The following PARD3B variants were observed in gnomAD, a reference collection of about 807,000 sequenced individuals.
The protein encoded by PARD3B is par-3 family cell polarity regulator beta, also known as partitioning defective 3 homolog B.
A neutral mutation model predicts 130.2 loss-of-function variants in PARD3B; 103 were observed. The ratio of observed to expected loss-of-function variants is 0.79; its 90% CI spans 0.67 to 0.93. The LOEUF is 0.93. Among genes scored for constraint, PARD3B ranks in the 40% least tolerant of loss-of-function variants. The pLI is 0.00. For missense variants in PARD3B, 1,609 were observed against 1,499.2 expected (o/e 1.07, Z -1.21); for synonymous variants, 583 against 553.2 (o/e 1.05, Z -0.76).
At chr2:205,612,855 C>T (rs962660753) in intron 22 of PARD3B, among the ~76,000 whole-genome samples, 1 of 152,186 alleles carries the variant, frequency 6.6e-6, no homozygotes, top group Non-Finnish European at 1.5e-5. Flanking sequence ...TATCTGCCCA[C>T]GGGAAGCCTC....
intron 16 of PARD3B, among the ~76,000 whole-genome samples, chr2:205,247,118 G>T (rs1322120474): frequency 6.6e-6 from 1 of 151,994 alleles, no homozygotes. Flanking sequence ...CTTAGTACTG[G>T]GATAGGCTTC....
chr2:204,752,641 A>G (rs2040509400), intron 2 of PARD3B, among the ~76,000 whole-genome samples: 1 of 151,990 alleles, frequency 6.6e-6, no homozygotes, highest in African/African-American at 2.4e-5. Flanking sequence ...CTACTACTTT[A>G]TTTTCTTCAG....
chr2:204,669,037 G>A lies in PARD3B; in HGVS notation c.121-17144G>A, dbSNP rs2036158153. Among the ~76,000 whole-genome samples, 1 of 152,144 alleles carries A rather than the reference G, an allele frequency of 6.6e-6. No homozygotes were observed. The highest frequency in any genetic ancestry group is 2.4e-5 in the African/African-American group (1 of 41,442). On this transcript the variant is annotated intron_variant, in intron 1 of 22. Transcript: ENST00000406610. This position sits in a 1 kb window ranked among gnomAD's most constrained non-coding sequence, Gnocchi z 4.3. ...ATCCTCCCTTGGAGCCTCCAGAAAG[G>A]AATTCAGGTCCACTCACATCTTGAT...
chr2:205,466,393 C>G (rs1306506669), intron 20 of PARD3B, among the ~76,000 whole-genome samples: 1 of 151,996 alleles, frequency 6.6e-6, no homozygotes, highest in Non-Finnish European at 1.5e-5. Context: ...TTTTTTGGGT[C>G]TTTTTTATAT....
intron 2 of PARD3B, among the ~76,000 whole-genome samples, chr2:204,936,935 A>T (rs963734321): frequency 6.6e-6 from 1 of 152,292 alleles, no homozygotes; most frequent in Admixed American, 6.5e-5. Context: ...TAAAATGTGT[A>T]TTATATACTT....
Position 205,440,500 on chromosome 2 carries a change from C to A in PARD3B, c.2872C>A (p.His958Asn), listed in dbSNP as rs745891733. The A allele has an allele frequency of 6.2e-7, 1 of 1,614,014 alleles. No homozygotes were observed. Among genetic ancestry groups the A allele is most frequent in the Non-Finnish European group, 8.5e-7 (1 of 1,179,986 alleles). ...GGACCCCAATTATGCCAGAGTGAACCACTTTCGGGAACCATGCACATCAGC... is the reference window on the plus strand; with the variant it reads ...GGACCCCAATTATGCCAGAGTGAACAACTTTCGGGAACCATGCACATCAGC... ...EMDPNYARVN[H>N]FREPCTSANV... The change falls in exon 20 of 23, where the codon CAC (histidine) becomes AAC (asparagine). Residue 958 changes from histidine (H) to asparagine (N), a missense_variant. His to Asn is a moderately conservative substitution (Grantham distance 68, BLOSUM62 1). Transcript: ENST00000406610. This position sits in a 1 kb window ranked among gnomAD's most constrained non-coding sequence, Gnocchi z 4.2.
intron 3 of PARD3B, among the ~76,000 whole-genome samples, chr2:205,022,834 T>C (rs369170030): frequency 1.3e-5 from 2 of 152,144 alleles, no homozygotes; most frequent in South Asian, 2.1e-4. Context: ...AGGCTGACAG[T>C]ATACACCAGA....
At chr2:205,151,184 A>G (rs1303381481) in intron 10 of PARD3B, among the ~76,000 whole-genome samples, 2 of 152,134 alleles carry the variant, frequency 1.3e-5, no homozygotes, top group East Asian at 1.9e-4. Flanking sequence ...ACTTCCAACT[A>G]TGTGGTCAAT....
At chr2:204,851,848 A>G (rs2044720377) in intron 2 of PARD3B, among the ~76,000 whole-genome samples, 1 of 151,164 alleles carries the variant, frequency 6.6e-6, no homozygotes, top group African/African-American at 2.4e-5. Flanking sequence ...ACCCACCACC[A>G]TGCCCGGTTA....
chr2:204,760,177 T>G (rs1240332193), intron 2 of PARD3B, among the ~76,000 whole-genome samples: 2 of 152,108 alleles, frequency 1.3e-5, no homozygotes, highest in Non-Finnish European at 2.9e-5. Flanking sequence ...CTAGAAATAA[T>G]GCTTGTATGA....
chr2:205,012,492 G>A (rs902787436), intron 3 of PARD3B, among the ~76,000 whole-genome samples: 1 of 152,114 alleles, frequency 6.6e-6, no homozygotes, highest in African/African-American at 2.4e-5. Context: ...TGCTTTCCAT[G>A]ACTCTTTTGA....
intron 1 of PARD3B, among the ~76,000 whole-genome samples, chr2:204,574,110 G>A (rs2125071650): frequency 6.6e-6 from 1 of 152,242 alleles, no homozygotes; most frequent in East Asian, 1.9e-4. Context: ...CTGCTACTTT[G>A]TTCTCAGAGG....
chr2:204,627,907 C>T (rs1488563750), intron 1 of PARD3B, among the ~76,000 whole-genome samples: 1 of 151,006 alleles, frequency 6.6e-6, no homozygotes, highest in Non-Finnish European at 1.5e-5. Context: ...GCTTGTCCAA[C>T]CTGCAGCCCC....
At chr2:204,620,821 A>G (rs1417705480) in intron 1 of PARD3B, among the ~76,000 whole-genome samples, 2 of 152,130 alleles carry the variant, frequency 1.3e-5, no homozygotes. Context: ...TGTTTTGATG[A>G]TCTGAGAGTG....
intron 2 of PARD3B, among the ~76,000 whole-genome samples, chr2:204,883,965 CTGACCTGG>C (rs2046177127): frequency 6.6e-6 from 1 of 151,860 alleles, no homozygotes; most frequent in African/African-American, 2.4e-5. Flanking sequence ...TCTTGAACTC[CTGACCTGG>C]TGATCCACCC....
intron 2 of PARD3B, among the ~76,000 whole-genome samples, chr2:204,715,695 G>T (rs755117957): frequency 6.6e-6 from 1 of 152,146 alleles, no homozygotes; most frequent in African/African-American, 2.4e-5. Context: ...TTTGGGGGCT[G>T]CTTGGCTCTT....
intron 15 of PARD3B, among the ~76,000 whole-genome samples, chr2:205,197,950 C>CAGTAT (rs2036784970): frequency 6.6e-6 from 1 of 152,152 alleles, no homozygotes; most frequent in African/African-American, 2.4e-5. Context: ...CCCTTGTTGG[C>CAGTAT]AGTATGCCAG....
chr2:204,715,472 G>A (rs909179935), intron 2 of PARD3B, among the ~76,000 whole-genome samples: 2 of 150,948 alleles, frequency 1.3e-5, no homozygotes, highest in Admixed American at 1.3e-4. Flanking sequence ...TTCTAAAGCA[G>A]ATGCTGTTTT....
At chr2:204,831,121 A>T (rs1331887091) in intron 2 of PARD3B, among the ~76,000 whole-genome samples, 1 of 152,208 alleles carries the variant, frequency 6.6e-6, no homozygotes, top group East Asian at 1.9e-4. Context: ...TATTGCTAAA[A>T]TTTAGCTTAA....
Sources: allele counts gnomAD v4.1 joint callset (sites outside exome capture counted in the v4.1 genomes callset), GRCh38; gene constraint gnomAD v4.1.1; non-coding constraint Gnocchi (gnomAD v3.1); transcripts MANE v1.5; gene names NCBI Gene and HGNC (gene_info 2026-07-23, HGNC 2026-07-21).